Variants in EP300 observed in about 807,000 individuals in gnomAD.
EP300 encodes histone acetyltransferase p300.
A neutral mutation model predicts 264.0 loss-of-function variants in EP300; 31 were observed. The ratio of observed to expected loss-of-function variants is 0.12; its 90% CI spans 0.09 to 0.16. The LOEUF (loss-of-function observed/expected upper bound fraction) is 0.16, where lower values mean the gene tolerates loss of function less well. EP300 is among the 10% of genes least tolerant of loss of function. The pLI is 1.00. For missense variants in EP300, 2,766 were observed against 3,052.9 expected, an observed-to-expected ratio of 0.91 and a Z score of 2.21; for synonymous variants, 1,340 against 1,045.4, an observed-to-expected ratio of 1.28 and a Z score of -5.44.
intron 1 of EP300, among the ~76,000 whole-genome samples, chr22:41,101,353 G>C (rs994184157): frequency 2.6e-5 from 4 of 151,440 alleles, no homozygotes; most frequent in African/African-American, 9.7e-5. Flanking sequence ...TTAGAGGCGA[G>C]AGCCACAGTG....
At chr22:41,174,412 AAAAAT>A (rs1308936498) in intron 29 of EP300, among the ~76,000 whole-genome samples, 4 of 152,326 alleles carry the variant, frequency 2.6e-5, no homozygotes, top group African/African-American at 9.6e-5. Flanking sequence ...CTCTGTTTCA[AAAAAT>A]AAAAAGATTT....
At chr22:41,102,733 T>A (rs1241908218) in intron 1 of EP300, among the ~76,000 whole-genome samples, 1 of 152,114 alleles carries the variant, frequency 6.6e-6, no homozygotes, top group African/African-American at 2.4e-5. Flanking sequence ...GTGGAAAGAT[T>A]TGAGGGAAGA....
intron 3 of EP300, 173 bp downstream of exon 3, chr22:41,126,213 G>GT (rs202066389): frequency 1.4e-3 from 913 of 658,576 alleles, no homozygotes; most frequent in Middle Eastern, 4.2e-3. Flanking sequence ...CCATTTCTCT[G>GT]TTTTTTTTGT....
rs572580510 is a variant in EP300 at position 41,134,084 on chromosome 22, C to T, written c.1529-1729C>T. On this transcript the variant is annotated intron_variant, in intron 6 of 30. Coordinates refer to ENST00000263253, the MANE Select transcript of EP300 (RefSeq NM_001429.4). Reference sequence around the variant, plus strand: ...TAATGCTCATTGTACCAGACCATTTCTATTTTAATATTCTTTAGATTCTTC... The same window carrying T: ...TAATGCTCATTGTACCAGACCATTTTTATTTTAATATTCTTTAGATTCTTC... Among the ~76,000 whole-genome samples the T allele has an allele frequency of 4.7e-5, 7 of 149,478 alleles. No individual in the cohort carries two copies. The South Asian group carries it at 1.3e-3, about 27-fold the overall frequency.
chr22:41,104,416 A>C (rs953231937), intron 1 of EP300, among the ~76,000 whole-genome samples: 4 of 151,868 alleles, frequency 2.6e-5, no homozygotes, highest in Admixed American at 2.0e-4. Context: ...CAGCCTCCCA[A>C]GTAGCTGGGA....
chr22:41,174,880 A>C (rs1318157676), intron 29 of EP300: 3 of 152,098 alleles, frequency 2.0e-5, no homozygotes, highest in African/African-American at 7.2e-5. Flanking sequence ...TGTTATAATG[A>C]TGTTATCATG....
At chr22:41,167,692 C>T (rs1308638056) in intron 23 of EP300, among the ~76,000 whole-genome samples, 2 of 136,848 alleles carry the variant, frequency 1.5e-5, no homozygotes, top group Admixed American at 7.6e-5. Context: ...CTGTGTTGTC[C>T]AGGCTGATCT....
rs71200660 is a variant in EP300, at chr22:41,110,282, A to AT, written c.95-6867dup. Among the ~76,000 whole-genome samples the AT allele has an allele frequency of 7.6e-3, 368 of 48,224 alleles. 93 individuals are homozygous for AT. The highest frequency in any genetic ancestry group is 9.2e-3 in the Non-Finnish European group (247 of 26,878). 31.6% of individuals were successfully genotyped at this position (48,224 alleles called of 152,430 possible). ...AGGTGCATGCCAGCATATCCAGCTA[A>AT]TTTTTTTTTTTTTTTTTTTTTTTTT... On this transcript the variant is annotated intron_variant, in intron 1 of 30. Transcript: ENST00000263253.
chr22:41,131,142 T>C (rs2058916732), intron 5 of EP300, among the ~76,000 whole-genome samples: 1 of 152,140 alleles, frequency 6.6e-6, no homozygotes, highest in African/African-American at 2.4e-5. Flanking sequence ...GGTCGGAACA[T>C]TAATAAAGCC....
intron 1 of EP300, among the ~76,000 whole-genome samples, chr22:41,094,237 C>A (rs913113020): frequency 6.6e-6 from 1 of 152,170 alleles, no homozygotes; most frequent in African/African-American, 2.4e-5. Context: ...TACGGAGCAT[C>A]TCTTTAACTC....
intron 10 of EP300, among the ~76,000 whole-genome samples, chr22:41,142,137 C>T (rs2058986310): frequency 6.6e-6 from 1 of 152,154 alleles, no homozygotes; most frequent in Admixed American, 6.5e-5. Flanking sequence ...GGAGCAGGCA[C>T]ACCATTTTCA....
At chr22:41,104,003 AAT>A (rs2058745102) in intron 1 of EP300, among the ~76,000 whole-genome samples, 1 of 152,182 alleles carries the variant, frequency 6.6e-6, no homozygotes, top group South Asian at 2.1e-4. Context: ...AAATGTAGAA[AAT>A]ATACCAGATA....
intron 2 of EP300, among the ~76,000 whole-genome samples, chr22:41,119,611 G>A (rs1770015903): frequency 6.6e-6 from 1 of 151,994 alleles, no homozygotes; most frequent in African/African-American, 2.4e-5. Flanking sequence ...AGTATGCCAG[G>A]TAAGTGCTAT....
At chr22:41,101,828 G>C (rs2058733449) in intron 1 of EP300, among the ~76,000 whole-genome samples, 1 of 152,066 alleles carries the variant, frequency 6.6e-6, no homozygotes, top group Non-Finnish European at 1.5e-5. Flanking sequence ...GAGCCACTAT[G>C]CCTGCCTCTA....
chr22:41,124,177 A>G (rs1004080300), intron 2 of EP300, among the ~76,000 whole-genome samples: 1 of 152,244 alleles, frequency 6.6e-6, no homozygotes, highest in Non-Finnish European at 1.5e-5. Flanking sequence ...CCCAGGAGGC[A>G]GAGGTTGCAG....
At chr22:41,111,460 A>G (rs1397235235) in intron 1 of EP300, among the ~76,000 whole-genome samples, 1 of 152,108 alleles carries the variant, frequency 6.6e-6, no homozygotes, top group Non-Finnish European at 1.5e-5. Flanking sequence ...TGATATATGT[A>G]TTTGCTTTGA....
At chr22:41,127,808 A>G (rs2145710612) in intron 4 of EP300, 60 bp downstream of exon 4, 1 of 1,599,872 alleles carries the variant, frequency 6.3e-7, no homozygotes, top group South Asian at 1.1e-5. Context: ...AGAAGAAGGA[A>G]AATGTGATCA....
intron 1 of EP300, among the ~76,000 whole-genome samples, chr22:41,105,466 T>C (rs1377025496): frequency 6.6e-6 from 1 of 151,734 alleles, no homozygotes; most frequent in African/African-American, 2.4e-5. Context: ...TGGTGCAGTC[T>C]CCACTCACTG....
rs373752539 is a variant in EP300, at chr22:41,170,472, T to C, written c.4353T>C (p.His1451=). The C allele has an allele frequency of 2.9e-5, 47 of 1,613,758 alleles. No individual in the cohort carries two copies. The highest frequency in any genetic ancestry group is 3.9e-5 in the Non-Finnish European group (46 of 1,179,916). ...SEGDDYIFHC[H]PPDQKIPKPK... ...GAGATGATTATATCTTCCATTGCCA[T>C]CCTCCTGACCAGAAGATACCCAAGC... Residue 1451 remains histidine (H), a synonymous_variant, in exon 27 of 31, where the codon CAT becomes CAC. Transcript: ENST00000263253.
Sources: allele counts gnomAD v4.1 joint callset (sites outside exome capture counted in the v4.1 genomes callset), GRCh38; gene constraint gnomAD v4.1.1; transcripts MANE v1.5; gene names NCBI Gene and HGNC (gene_info 2026-07-23, HGNC 2026-07-21).